MAST3: variants seen among roughly 807,000 people sequenced by gnomAD.
MAST3 encodes microtubule-associated serine/threonine-protein kinase 3.
MAST3 carries 43 observed loss-of-function variants against 127.0 expected under a neutral mutation model. The ratio of observed to expected loss-of-function variants is 0.34; its 90% CI spans 0.27 to 0.44. MAST3 has a LOEUF of 0.44. Ranked by LOEUF, MAST3 falls within the 20% of genes least tolerant of loss-of-function variation. The pLI, the probability that MAST3 is intolerant of heterozygous loss-of-function variation, is 1.00. For synonymous variants in MAST3, 785 were observed against 809.2 expected (o/e 0.97, Z 0.51); for missense variants, 1,390 against 1,919.1 (o/e 0.72, Z 5.15).
In MAST3 at chr19:18,147,017, G is replaced by C. The variant is rs769247962; in HGVS notation, c.3299G>C (p.Arg1100Pro). 1.3e-6 allele frequency: 2 copies of C among 1,573,258 alleles called. No individual in the cohort carries two copies. The highest frequency in any genetic ancestry group is 1.2e-5 in the South Asian group (1 of 85,648). ...KRSRRRETQD[R>P]CAAVTTRERR... ...AGCCGTCGGCGGGAGACCCAGGATC[G>C]GTGCGCGGCAGTGACCACCAGGGAG... Residue 1100 changes from arginine to proline, a missense_variant, in exon 26 of 28, where the codon CGG becomes CCG. Transcript: ENST00000687212.
In MAST3 at chr19:18,147,030, G is replaced by T; in HGVS notation, c.3312G>T (p.Val1104=). 2 of 1,568,902 alleles carry T rather than the reference G, an allele frequency of 1.3e-6. No homozygotes were observed. The highest frequency in any genetic ancestry group is 2.3e-5 in the East Asian group (1 of 43,032). Residue 1104 remains valine (V), a synonymous_variant, in exon 26 of 28, where the codon GTG becomes GTT. Coordinates refer to ENST00000687212, the MANE Select transcript of MAST3 (RefSeq NM_001393504.1). ...AGACCCAGGATCGGTGCGCGGCAGT[G>T]ACCACCAGGGAGCGGTACACAGGGG... ...RRETQDRCAA[V]TTRERRKSLF...
rs116975709 is a variant in MAST3, at chr19:18,099,605, G to A, written c.39+1774G>A. On this transcript the variant is annotated intron_variant, in intron 1 of 27. Coordinates refer to ENST00000687212, the MANE Select transcript of MAST3 (RefSeq NM_001393504.1). ...TGTCCGGGTTTCACAAAGTATAGGT[G>A]ACAGAGTCAGACAGGATTTGAACCC... Among the ~76,000 whole-genome samples the A allele has an allele frequency of 1.7e-3, 254 of 152,268 alleles. 5 individuals are homozygous for A. The East Asian group carries it at 0.04, about 24-fold the overall frequency.
At position 18,131,878 on chromosome 19, in the gene MAST3, G is replaced by A. The variant is rs1314803145; in HGVS notation, c.1433-31G>A. 4 of 1,546,642 alleles carry A rather than the reference G, an allele frequency of 2.6e-6. No homozygotes were observed. The South Asian group carries it at 4.7e-5, about 18-fold the overall frequency. The stretch of plus-strand genomic sequence containing the variant: ...GCGGGCGGGGGGCGGGGGTGCCCCG[G>A]GCCTCATGACTACATCCGCCCTTCT... On this transcript the variant is annotated intron_variant, in intron 14 of 27. Transcript: ENST00000687212.
Position 18,110,667 on chromosome 19 carries a change from C to G in MAST3, c.87C>G (p.Ser29Arg). Residue 29 changes from serine to arginine, a missense_variant, in exon 3 of 28, where the codon AGC becomes AGG. Around this residue, in one of 5 missense-constraint regions of MAST3, gnomAD observed 61 missense variants for 78.2 expected, o/e 0.78. Transcript: ENST00000687212. This position sits in a 1 kb window ranked among gnomAD's most constrained non-coding sequence, Gnocchi z 4.3. ...PRRGRGLSPS[S>R]QSPSLLGPSS... is the part of the protein sequence containing the mutation. ...TTCTTTGCAGTCTGTCTCCGAGCAG[C>G]CAGAGCCCGTCCCTGCTGGGTCCCA... 3 of 985,870 alleles carry G rather than the reference C, an allele frequency of 3.0e-6. No homozygotes were observed. Among genetic ancestry groups the G allele is most frequent in the Non-Finnish European group, 3.6e-6 (3 of 829,912 alleles). The allele number at this position is 985,870 out of a possible 1,614,324, so 61.1% of individuals were successfully genotyped here.
At chr19:18,148,144 A>C (rs1270791018) in intron 27 of MAST3, among the ~76,000 whole-genome samples, 1 of 152,156 alleles carries the variant, frequency 6.6e-6, no homozygotes, top group Non-Finnish European at 1.5e-5. Context: ...TGTACTAAAA[A>C]TACAAAATCA....
At chr19:18,117,471 C>T (rs2039411637) in intron 3 of MAST3, among the ~76,000 whole-genome samples, 1 of 152,118 alleles carries the variant, frequency 6.6e-6, no homozygotes, top group African/African-American at 2.4e-5. Context: ...CAAACACACC[C>T]TCTATGCCAG....
intron 11 of MAST3, among the ~76,000 whole-genome samples, chr19:18,126,634 T>C (rs1484753561): frequency 6.6e-6 from 1 of 152,106 alleles, no homozygotes; most frequent in East Asian, 1.9e-4. Context: ...CCAGGCATGA[T>C]CGCACATGCC....
chr19:18,136,043 G>T (rs2041863926), intron 18 of MAST3, among the ~76,000 whole-genome samples: 1 of 152,162 alleles, frequency 6.6e-6, no homozygotes, highest in African/African-American at 2.4e-5. Context: ...AAAGTAGCTG[G>T]GTCTGGTGCC....
At chr19:18,114,192 C>CT (rs59829048) in intron 3 of MAST3, among the ~76,000 whole-genome samples, 10,882 of 141,078 alleles carry the variant, frequency 0.077, 1,198 homozygotes, top group African/African-American at 0.25. Flanking sequence ...TTTTCTTTTT[C>CT]TTTTTTTTTT....
In MAST3 at chr19:18,112,702, C is replaced by G. The variant is rs1015995560; in HGVS notation, c.161+1961C>G. Among the ~76,000 whole-genome samples the G allele has an allele frequency of 4.6e-5, 7 of 152,044 alleles. No homozygotes were observed. The highest frequency in any genetic ancestry group is 1.0e-4 in the Non-Finnish European group (7 of 68,020). The stretch of plus-strand genomic sequence containing the variant: ...GCCAGGCTGGTCTTGAACTCCTGAC[C>G]TCAGGTGATCCACCCGCCTTGGCTT... On this transcript the variant is annotated intron_variant, in intron 3 of 27. Coordinates refer to ENST00000687212, the MANE Select transcript of MAST3 (RefSeq NM_001393504.1). The surrounding 1 kb of genome is among the most constrained non-coding windows in gnomAD (Gnocchi z 4.1).
chr19:18,108,488 C>G (rs1191022449), intron 2 of MAST3, among the ~76,000 whole-genome samples: 1 of 151,852 alleles, frequency 6.6e-6, no homozygotes, highest in Non-Finnish European at 1.5e-5. Context: ...AGTCTCCCGC[C>G]TCAGCCTCCA....
chr19:18,118,977 G>T lies in MAST3; in HGVS notation c.162-2708G>T, dbSNP rs900244023. Among the ~76,000 whole-genome samples the T allele has an allele frequency of 2.0e-5, 3 of 152,284 alleles. No individual in the cohort carries two copies. In the South Asian group the frequency reaches 6.2e-4, roughly 32 times the overall value. On this transcript the variant is annotated intron_variant, in intron 3 of 27. Transcript: ENST00000687212. ...AAGATCGTGGGGAGCATTGGAGGGG[G>T]AATATGGGTGCCAGAGGGATGAGGT...
chr19:18,135,699 T>A (rs1599837147), intron 17 of MAST3, 41 bp from the exon 18 acceptor site: 1 of 1,480,610 alleles, frequency 6.8e-7, no homozygotes. Context: ...TACCCTGCCT[T>A]CTCCCTCCCT....
Position 18,144,347 on chromosome 19 carries a change from G to C in MAST3, c.2585-119G>C, listed in dbSNP as rs1568608455. The C allele has an allele frequency of 1.1e-6, 1 of 895,148 alleles. No homozygotes were observed. 55.5% of individuals were successfully genotyped at this position (895,148 alleles called of 1,614,324 possible). A position where few individuals can be genotyped will look rare whatever the true frequency, so the allele number is the denominator to read the frequency against. On this transcript the variant is annotated intron_variant, in intron 22 of 27. Coordinates refer to ENST00000687212, the MANE Select transcript of MAST3 (RefSeq NM_001393504.1). This position sits in a 1 kb window ranked among gnomAD's most constrained non-coding sequence, Gnocchi z 4.0. ...GGAGTGCAGGAAGAGGGAACTGCATGAGCAAAGGCCAGGAGGCTGGACTGT... is the reference window on the plus strand; with the variant it reads ...GGAGTGCAGGAAGAGGGAACTGCATCAGCAAAGGCCAGGAGGCTGGACTGT...
rs1289294857 is a variant in MAST3 at position 18,135,729 on chromosome 19, C to T, written c.1871-11C>T. The T allele has an allele frequency of 1.3e-6, 2 of 1,598,678 alleles. No individual in the cohort carries two copies. Among genetic ancestry groups the T allele is most frequent in the East Asian group, 4.5e-5 (2 of 44,414 alleles). ...CTCCCTCCCTCATTTTACCTCCCTC[C>T]CTCATTTTAGATGAGATCATGTGGC... On this transcript the variant is annotated splice_polypyrimidine_tract_variant and intron_variant, in intron 17 of 27. Coordinates refer to ENST00000687212, the MANE Select transcript of MAST3 (RefSeq NM_001393504.1).
chr19:18,110,283 C>A lies in MAST3; in HGVS notation c.72-369C>A, dbSNP rs1419948604. 9.1e-6 allele frequency: 9 copies of A among 985,490 alleles called. No individual in the cohort carries two copies. In the South Asian group the frequency reaches 1.9e-4, roughly 21 times the overall value. The allele number at this position is 985,490 out of a possible 1,614,324, so 61.0% of individuals were successfully genotyped here. On this transcript the variant is annotated intron_variant, in intron 2 of 27. Transcript: ENST00000687212. This position sits in a 1 kb window ranked among gnomAD's most constrained non-coding sequence, Gnocchi z 4.3. ...CTTCCGGGGGCCAACAAGGGGGCGT[C>A]GGTACCCCGCCGCACAGAGGCGGCC...
intron 11 of MAST3, among the ~76,000 whole-genome samples, chr19:18,126,364 G>A (rs897649140): frequency 7.2e-5 from 11 of 152,188 alleles, no homozygotes; most frequent in African/African-American, 2.7e-4. Flanking sequence ...AGGCCTGGAG[G>A]GCAGGAGGTG....
chr19:18,114,670 C>A (rs898628634), intron 3 of MAST3, among the ~76,000 whole-genome samples: 4 of 152,086 alleles, frequency 2.6e-5, no homozygotes, highest in Non-Finnish European at 4.4e-5. Context: ...GATGAATGGG[C>A]AGTATCTGGG....
Position 18,144,750 on chromosome 19 carries a change from G to A in MAST3, c.2812+57G>A, listed in dbSNP as rs1383221665. The A allele has an allele frequency of 6.3e-7, 1 of 1,575,162 alleles. No homozygotes were observed. Among genetic ancestry groups the A allele is most frequent in the Non-Finnish European group, 8.6e-7 (1 of 1,157,714 alleles). On this transcript the variant is annotated intron_variant, in intron 23 of 27. Transcript: ENST00000687212. This position sits in a 1 kb window ranked among gnomAD's most constrained non-coding sequence, Gnocchi z 4.0. ...GTCTGCACCCATTTTCACCAACAGG[G>A]TGGGGGCCCTTCCTGAGTTGGGGAG...
Sources: gnomAD v4.1 joint callset for allele counts (sites outside exome capture counted in the v4.1 genomes callset) on GRCh38, gnomAD v4.1.1 for gene constraint, gnomAD v4.1.1 regional missense constraint, Gnocchi (gnomAD v3.1) non-coding constraint, MANE v1.5 for transcripts, NCBI Gene and HGNC (gene_info 2026-07-23, HGNC 2026-07-21) for gene names.